Variants in LGI2 observed in about 807,000 individuals in gnomAD.
LGI2 encodes the protein leucine rich repeat LGI family member 2, also known as leucine-rich repeat LGI family member 2.
In LGI2, 30 loss-of-function variants were observed where a neutral mutation model predicts 52.0. The ratio of observed to expected loss-of-function variants is 0.58; its 90% confidence interval spans 0.43 to 0.78. The LOEUF is 0.78. Ranked by LOEUF, LGI2 falls within the 30% of genes least tolerant of loss-of-function variation. The pLI is 0.00. For synonymous variants in LGI2, 270 were observed against 271.8 expected, an observed-to-expected ratio of 0.99 and a Z score of 0.06; for missense variants, 573 against 692.5, an observed-to-expected ratio of 0.83 and a Z score of 1.94.
chr4:25,025,022 G>A (rs1010330603), intron 3 of LGI2, 131 bp from the exon 4 acceptor site: 8 of 617,342 alleles, frequency 1.3e-5, no homozygotes, highest in Non-Finnish European at 2.2e-5. Flanking sequence ...TGAAGACTAG[G>A]TCAGCTACAC....
rs1725616582 is a variant in LGI2 at position 25,012,396 on chromosome 4, G to A, written c.759C>T (p.Asn253=). The change falls in exon 7 of 8, where the codon AAC becomes AAT. Residue 253 remains asparagine, a synonymous_variant. Transcript: ENST00000382114. ...YVAIAQPSME[N]CMVLEWDHIE... ...TGTGGTCCCACTCCAGCACCATGCA[G>A]TTCTCCATGCTGGGCTGCGCGATGG... is the stretch of plus-strand genomic sequence containing the variant. 1 of 1,614,116 alleles carries A rather than the reference G, an allele frequency of 6.2e-7. No homozygotes were observed. The highest frequency in any genetic ancestry group is 1.3e-5 in the African/African-American group (1 of 74,950).
chr4:25,024,241 C>T (rs561159074), intron 4 of LGI2, among the ~76,000 whole-genome samples: 27 of 152,250 alleles, frequency 1.8e-4, no homozygotes, highest in South Asian at 1.7e-3. Context: ...TGGCTGGGTG[C>T]GGTGGCTCAC....
At position 25,003,498 on chromosome 4, in the gene LGI2, C is replaced by T. The variant is rs1389796791; in HGVS notation, c.1591G>A (p.Gly531Arg). The T allele has an allele frequency of 6.2e-7, 1 of 1,605,184 alleles. No individual in the cohort carries two copies. Among genetic ancestry groups the T allele is most frequent in the African/African-American group, 1.4e-5 (1 of 73,878 alleles). Reference sequence around the variant, plus strand: ...ATATGTTCAAAAATCTTTGTTTTCCCTTTGAAACTGGATGCAAAAAAGAAA... The same window carrying T: ...ATATGTTCAAAAATCTTTGTTTTCCTTTTGAAACTGGATGCAAAAAAGAAA... ...RDFFFASSFK[G>R]KTKIFEHIIV... Residue 531 changes from glycine to arginine, a missense_variant, in exon 8 of 8, where the codon GGG becomes AGG. Gly to Arg is a moderately radical substitution (Grantham distance 125). Coordinates refer to ENST00000382114, the MANE Select transcript of LGI2 (RefSeq NM_018176.4).
intron 4 of LGI2, among the ~76,000 whole-genome samples, chr4:25,022,186 G>C (rs1007033680): frequency 6.6e-6 from 1 of 152,210 alleles, no homozygotes; most frequent in Non-Finnish European, 1.5e-5. Flanking sequence ...TATGGCCACT[G>C]TAGACAGTAA....
chr4:24,997,661 A>G (rs1450216432), downstream of LGI2, among the ~76,000 whole-genome samples: 3 of 152,160 alleles, frequency 2.0e-5, no homozygotes, highest in Admixed American at 2.0e-4. Flanking sequence ...CTGAGCAGGT[A>G]GGCATTCATA....
rs573527808 is a variant in LGI2, at chr4:25,013,701, T to C, written c.656-1202A>G. 3.9e-5 allele frequency among the ~76,000 whole-genome samples: 6 copies of C among 152,290 alleles called. No individual in the cohort carries two copies. The South Asian group carries it at 1.2e-3, about 32-fold the overall frequency. ...AGACTAAATGCAAGGTACATGTAAG[T>C]ATATATTGCAGTGCTATGGTGATCA... On this transcript the variant is annotated intron_variant, in intron 6 of 7. Coordinates refer to ENST00000382114, the MANE Select transcript of LGI2 (RefSeq NM_018176.4).
intron 6 of LGI2, among the ~76,000 whole-genome samples, chr4:25,014,822 C>A (rs1432094841): frequency 2.0e-5 from 2 of 98,784 alleles, no homozygotes; most frequent in Non-Finnish European, 3.6e-5. Context: ...CAGAGCAAGA[C>A]CTTGTCTCAA....
At position 25,004,232 on chromosome 4, in the gene LGI2, T is replaced by C. The variant is rs771131777; in HGVS notation, c.857A>G (p.Asp286Gly). Reference sequence around the variant, plus strand: ...GGCTACCACCACAAAGACCTGATCATCGATGAGAATGGCCTTACAGCCCAC... The same window carrying C: ...GGCTACCACCACAAAGACCTGATCACCGATGAGAATGGCCTTACAGCCCAC... ...SIVGCKAILIDDQVFVVVAQL... is the reference protein window; with the variant it reads ...SIVGCKAILIGDQVFVVVAQL... Residue 286 changes from aspartate to glycine, a missense_variant, in exon 8 of 8, where the codon GAT (aspartate) becomes GGT (glycine). Asp to Gly is a moderately conservative substitution (Grantham distance 94, BLOSUM62 -1). Transcript: ENST00000382114. This position sits in a 1 kb window ranked among gnomAD's most constrained non-coding sequence, Gnocchi z 4.6. 6.2e-7 allele frequency: 1 copy of C among 1,613,948 alleles called. No individual in the cohort carries two copies. The highest frequency in any genetic ancestry group is 1.1e-5 in the South Asian group (1 of 91,046).
chr4:24,994,249 C>A (rs533347458), downstream of LGI2, among the ~76,000 whole-genome samples: 1 of 152,276 alleles, frequency 6.6e-6, no homozygotes, highest in African/African-American at 2.4e-5. Context: ...CCAGAAAGAT[C>A]TTTTCCAAGT....
At chr4:25,023,038 A>C (rs1726023312) in intron 4 of LGI2, among the ~76,000 whole-genome samples, 1 of 150,820 alleles carries the variant, frequency 6.6e-6, no homozygotes, top group Non-Finnish European at 1.5e-5. Context: ...GTTGGGACTT[A>C]ATGCATGGAG....
At position 25,004,903 on chromosome 4, in the gene LGI2, G is replaced by A. The variant is rs1214783179; in HGVS notation, c.821-635C>T. ...TGGAAGCAACCCAAGTTGCTTCAAT[G>A]GACAAATAGATAGACAAAATGTGGC... On this transcript the variant is annotated intron_variant, in intron 7 of 7. Coordinates refer to ENST00000382114, the MANE Select transcript of LGI2 (RefSeq NM_018176.4). This position sits in a 1 kb window ranked among gnomAD's most constrained non-coding sequence, Gnocchi z 4.6. Among the ~76,000 whole-genome samples the A allele has an allele frequency of 2.6e-5, 4 of 152,092 alleles. No homozygotes were observed. The highest frequency in any genetic ancestry group is 9.7e-5 in the African/African-American group (4 of 41,420).
rs74901868 is a variant in LGI2 at position 25,030,513 on chromosome 4, C to T, written c.181G>A (p.Gly61Ser). The change falls in exon 1 of 8, where the codon GGC becomes AGC. Residue 61 changes from glycine (G) to serine (S), a missense_variant. Transcript: ENST00000382114. ...CCCACTCACAGGGAGCTGATGTCGC[C>T]CGGCACGATCCTGGGCACCCAGGAA... ...GSSWVPRIVPGDISSLSLVNG... is the reference protein window; with the variant it reads ...GSSWVPRIVPSDISSLSLVNG... 0.19 allele frequency: 301,108 copies of T among 1,590,706 alleles called. 29,117 individuals carry two copies. The highest frequency in any genetic ancestry group is 0.24 in the East Asian group (10,528 of 43,802).
chr4:25,019,461 A>G (rs938618555), intron 4 of LGI2, among the ~76,000 whole-genome samples: 4 of 151,858 alleles, frequency 2.6e-5, no homozygotes, highest in Admixed American at 1.3e-4. Context: ...CTCTTTATGT[A>G]TATTTGCTCA....
At chr4:24,996,338 A>T (rs190602387), downstream of LGI2, among the ~76,000 whole-genome samples, 380 of 152,344 alleles carry the variant, frequency 2.5e-3, 3 homozygotes, top group African/African-American at 8.5e-3. Flanking sequence ...TTCACATAGT[A>T]GGTAGTCAAA....
rs1725311140 is a variant in LGI2, at chr4:25,003,617, T to A, written c.1472A>T (p.Gln491Leu). The change falls in exon 8 of 8, where the codon CAG becomes CTG. Residue 491 changes from glutamine (Q) to leucine (L), a missense_variant. Gln to Leu is a moderately radical substitution (Grantham distance 113). Transcript: ENST00000382114. ...GAATAGCTGCTTCTCTTTATCCCACTGGTATATCTGAGAGAATGTATAGTC... is the reference window on the plus strand; with the variant it reads ...GAATAGCTGCTTCTCTTTATCCCACAGGTATATCTGAGAGAATGTATAGTC... ...GSDYTFSQIY[Q>L]WDKEKQLFKK... 6.2e-7 allele frequency: 1 copy of A among 1,614,070 alleles called. No individual in the cohort carries two copies. The highest frequency in any genetic ancestry group is 1.7e-5 in the Admixed American group (1 of 59,994).
chr4:25,016,299 A>G (rs1725755577), intron 6 of LGI2, among the ~76,000 whole-genome samples: 1 of 152,252 alleles, frequency 6.6e-6, no homozygotes, highest in Admixed American at 6.5e-5. Flanking sequence ...TGTGAAGAGA[A>G]CAAGGGAAAA....
intron 6 of LGI2, among the ~76,000 whole-genome samples, chr4:25,017,405 G>C (rs528712374): frequency 1.3e-5 from 2 of 151,854 alleles, no homozygotes; most frequent in South Asian, 4.2e-4. Context: ...AGCCGGGTGT[G>C]GTGGTGCACA....
chr4:25,023,068 T>TTGATGTTGATGA (rs1553872629), intron 4 of LGI2, among the ~76,000 whole-genome samples: 2 of 151,032 alleles, frequency 1.3e-5, no homozygotes, highest in Non-Finnish European at 2.9e-5. Context: ...TATGTTGATG[T>TTGATGTTGATGA]TGATGATGAT....
intron 6 of LGI2, among the ~76,000 whole-genome samples, chr4:25,013,894 A>G (rs7687614): frequency 0.76 from 115,832 of 152,106 alleles, 44,748 homozygotes; most frequent in East Asian, 0.98. Flanking sequence ...TGTTGGCACT[A>G]GCAGTGCCAA....
Sources: gnomAD v4.1 joint callset for allele counts (sites outside exome capture counted in the v4.1 genomes callset) on GRCh38, gnomAD v4.1.1 for gene constraint, Gnocchi (gnomAD v3.1) non-coding constraint, MANE v1.5 for transcripts, NCBI Gene and HGNC (gene_info 2026-07-23, HGNC 2026-07-21) for gene names.